Variants in SCRN1 observed in about 807,000 individuals in gnomAD.
The protein encoded by SCRN1 is secernin-1.
A neutral mutation model predicts 43.3 loss-of-function variants in SCRN1; 19 were observed. The observed-to-expected ratio is 0.44, with a 90% CI of 0.31 to 0.64. The LOEUF (loss-of-function observed/expected upper bound fraction) is 0.64. Ranked by LOEUF, SCRN1 falls within the 30% of genes least tolerant of loss-of-function variation. The pLI, the probability that SCRN1 is intolerant of heterozygous loss-of-function variation, is 0.09. For synonymous variants in SCRN1, 183 were observed against 188.9 expected (o/e 0.97, Z 0.26); for missense variants, 447 against 524.1 (o/e 0.85, Z 1.44).
chr7:29,975,111 G>GA (rs61058929), intron 1 of SCRN1, among the ~76,000 whole-genome samples: 27,633 of 151,838 alleles, frequency 0.18, 2,642 homozygotes, highest in African/African-American at 0.24. Flanking sequence ...CAAAGAAAAA[G>GA]AAAAAAAGAA....
At chr7:29,987,944 C>G (rs1193339852) in intron 1 of SCRN1, among the ~76,000 whole-genome samples, 1 of 152,202 alleles carries the variant, frequency 6.6e-6, no homozygotes, top group Non-Finnish European at 1.5e-5. Context: ...GCTCATCCTC[C>G]TCTATTCCAT....
In SCRN1 at chr7:29,947,057, G is replaced by A; in HGVS notation, c.342-2878C>T. 5 of 993,568 alleles carry A rather than the reference G, an allele frequency of 5.0e-6. No individual in the cohort carries two copies. The South Asian group carries it at 7.0e-5, about 14-fold the overall frequency. The allele number at this position is 993,568 out of a possible 1,614,324, so 61.5% of individuals were successfully genotyped here. A position where few individuals can be genotyped will look rare whatever the true frequency, so the allele number is the denominator to read the frequency against. The stretch of plus-strand genomic sequence containing the variant: ...CCCCATGCCTAATTTCACTTTGGCT[G>A]CTACCCCTCTGCCTGGGCAGGACCA... On this transcript the variant is annotated intron_variant, in intron 3 of 7. Coordinates refer to ENST00000242059, the MANE Select transcript of SCRN1 (RefSeq NM_014766.5).
At chr7:29,937,533 A>T (rs928214556) in intron 5 of SCRN1, among the ~76,000 whole-genome samples, 1 of 152,208 alleles carries the variant, frequency 6.6e-6, no homozygotes, top group South Asian at 2.1e-4. Flanking sequence ...AACTCAATAG[A>T]TATCCACAAG....
At chr7:29,947,580 C>T (rs1245787380) in intron 3 of SCRN1, among the ~76,000 whole-genome samples, 1 of 152,198 alleles carries the variant, frequency 6.6e-6, no homozygotes. Context: ...ATCTTCCCTC[C>T]TCCCCACAAT....
chr7:29,955,117 A>G (rs1788087343), intron 3 of SCRN1, 62 bp downstream of exon 3: 1 of 1,445,670 alleles, frequency 6.9e-7, no homozygotes, highest in Non-Finnish European at 9.5e-7. Flanking sequence ...AGGGAGAAAT[A>G]AATCCTGTCC....
At chr7:29,970,668 TG>T (rs1357597090) in intron 1 of SCRN1, among the ~76,000 whole-genome samples, 1 of 152,236 alleles carries the variant, frequency 6.6e-6, no homozygotes, top group African/African-American at 2.4e-5. Context: ...AGATTTTAAA[TG>T]AGTGATAAAC....
rs1650735637 is a variant in SCRN1 at position 29,923,910 on chromosome 7, A to G, written c.*47T>C. 2.6e-6 allele frequency: 4 copies of G among 1,540,858 alleles called. No homozygotes were observed. The highest frequency in any genetic ancestry group is 2.6e-6 in the Non-Finnish European group (3 of 1,142,196). On this transcript the variant is annotated 3_prime_UTR_variant, in exon 8 of 8. Transcript: ENST00000242059. ...GAGTGGTTTGTTTTGCTGGTAATTT[A>G]GTAAGGTGGGAAGTCTTAAATAAGA...
chr7:29,951,004 C>A (rs963975865), intron 3 of SCRN1, among the ~76,000 whole-genome samples: 2 of 152,228 alleles, frequency 1.3e-5, no homozygotes, highest in Non-Finnish European at 2.9e-5. Context: ...CTGAAGCACA[C>A]CCCCAGCCCC....
intron 1 of SCRN1, among the ~76,000 whole-genome samples, chr7:29,984,187 CAG>C (rs1197253337): frequency 8.9e-6 from 1 of 112,952 alleles, no homozygotes; most frequent in African/African-American, 3.5e-5. Flanking sequence ...GCCTGGGCGA[CAG>C]AGTGAGACAG....
At chr7:29,983,183 A>T (rs1789046834) in intron 1 of SCRN1, among the ~76,000 whole-genome samples, 1 of 151,124 alleles carries the variant, frequency 6.6e-6, no homozygotes, top group South Asian at 2.1e-4. Flanking sequence ...TAAGTTCATC[A>T]TTAGAGTTCT....
chr7:29,989,219 C>G (rs1789274277), intron 1 of SCRN1: 1 of 152,170 alleles, frequency 6.6e-6, no homozygotes, highest in African/African-American at 2.4e-5. Context: ...CCCGCCCGCG[C>G]AGCAGGTACG....
At chr7:29,942,413 A>C (rs1787587369) in intron 4 of SCRN1, among the ~76,000 whole-genome samples, 1 of 152,188 alleles carries the variant, frequency 6.6e-6, no homozygotes. Context: ...CATTTTGTGT[A>C]ATTTTTTAAG....
At chr7:29,952,390 A>T (rs1787971097) in intron 3 of SCRN1, among the ~76,000 whole-genome samples, 1 of 152,208 alleles carries the variant, frequency 6.6e-6, no homozygotes, top group South Asian at 2.1e-4. Context: ...GAATTAAATC[A>T]TTAAAAAGGA....
At chr7:29,934,894 C>G (rs969041621) in intron 6 of SCRN1, among the ~76,000 whole-genome samples, 1 of 152,236 alleles carries the variant, frequency 6.6e-6, no homozygotes, top group Non-Finnish European at 1.5e-5. Flanking sequence ...GCATCACCTA[C>G]AGGAGGATGC....
chr7:29,966,474 A>C (rs1454451339), intron 2 of SCRN1, among the ~76,000 whole-genome samples: 1 of 152,206 alleles, frequency 6.6e-6, no homozygotes, highest in Non-Finnish European at 1.5e-5. Flanking sequence ...AAAAAAAGAT[A>C]GAAACGTTCA....
At chr7:29,944,267 T>A (rs903276787) in intron 3 of SCRN1, 88 bp from the exon 4 acceptor site, 1 of 1,150,372 alleles carries the variant, frequency 8.7e-7, no homozygotes, top group African/African-American at 1.5e-5. Flanking sequence ...AAGGCCGAGT[T>A]ATGAAGCATG....
chr7:29,966,181 G>A (rs1312291124), intron 2 of SCRN1, among the ~76,000 whole-genome samples: 1 of 150,516 alleles, frequency 6.6e-6, no homozygotes, highest in South Asian at 2.1e-4. Context: ...GAGAGAGAGA[G>A]AGAGAGAGAG....
intron 1 of SCRN1, among the ~76,000 whole-genome samples, chr7:29,981,788 C>T (rs1788998975): frequency 6.6e-6 from 1 of 152,178 alleles, no homozygotes; most frequent in Non-Finnish European, 1.5e-5. Context: ...CATAAAGAAC[C>T]TCACCTATCA....
intron 6 of SCRN1, among the ~76,000 whole-genome samples, chr7:29,932,030 A>T (rs1416881122): frequency 6.6e-6 from 1 of 152,238 alleles, no homozygotes; most frequent in East Asian, 1.9e-4. Context: ...CTGAGAGCAG[A>T]ACTAATCCAT....
Sources: gnomAD v4.1 joint callset for allele counts (sites outside exome capture counted in the v4.1 genomes callset) on GRCh38, gnomAD v4.1.1 for gene constraint, MANE v1.5 for transcripts, NCBI Gene and HGNC (gene_info 2026-07-23, HGNC 2026-07-21) for gene names.